The following ZYG11B variants were observed in gnomAD, a reference collection of about 807,000 sequenced individuals.
ZYG11B encodes zyg-11 family member B, cell cycle regulator, also known as protein zyg-11 homolog B.
A neutral mutation model predicts 82.4 loss-of-function variants in ZYG11B; 36 were observed. The observed-to-expected ratio is 0.44, with a 90% CI of 0.33 to 0.58. The LOEUF (loss-of-function observed/expected upper bound fraction) is 0.58. ZYG11B is among the 20% of genes least tolerant of loss of function. ZYG11B has a pLI of 0.02. For synonymous variants in ZYG11B, 303 were observed against 312.8 expected (o/e 0.97, Z 0.33); for missense variants, 552 against 895.6 (o/e 0.62, Z 4.90).
intron 2 of ZYG11B, among the ~76,000 whole-genome samples, chr1:52,760,160 C>T (rs1220466447): frequency 6.6e-6 from 1 of 152,072 alleles, no homozygotes; most frequent in Non-Finnish European, 1.5e-5. Context: ...TTGGTAATAT[C>T]AGCCAAGGGC....
At position 52,778,588 on chromosome 1, in the gene ZYG11B, C is replaced by T. The variant is rs147565589; in HGVS notation, c.952-1265C>T. The stretch of plus-strand genomic sequence containing the variant: ...GAGGTACATAAATATCTAGTTGTTT[C>T]TCTTTCTGTGATGTTAGCAGTTATT... On this transcript the variant is annotated intron_variant, in intron 3 of 13. Transcript: ENST00000294353. Among the ~76,000 whole-genome samples the T allele has an allele frequency of 2.5e-3, 375 of 152,212 alleles. 2 individuals carry two copies. Among genetic ancestry groups the T allele is most frequent in the African/African-American group, 8.3e-3 (345 of 41,530 alleles).
intron 8 of ZYG11B, among the ~76,000 whole-genome samples, 185 bp downstream of exon 8, chr1:52,796,969 TATATATAAATA>T (rs1236858729): frequency 2.4e-5 from 2 of 84,644 alleles, no homozygotes; most frequent in African/African-American, 1.3e-4. Context: ...TTATATATAA[TATATATAAATA>T]TATATATTTT....
chr1:52,764,586 C>A (rs750256239), intron 2 of ZYG11B, among the ~76,000 whole-genome samples: 1 of 152,078 alleles, frequency 6.6e-6, no homozygotes, highest in Non-Finnish European at 1.5e-5. Context: ...AATTATAACT[C>A]CCTCACAGGG....
chr1:52,803,050 T>A (rs930298903), intron 10 of ZYG11B, among the ~76,000 whole-genome samples: 5 of 140,072 alleles, frequency 3.6e-5, no homozygotes, highest in Non-Finnish European at 3.1e-5. Flanking sequence ...ATTTTTTTTT[T>A]ATTTTTTATT....
At chr1:52,788,251 G>T (rs1468661128) in intron 5 of ZYG11B, among the ~76,000 whole-genome samples, 1 of 152,090 alleles carries the variant, frequency 6.6e-6, no homozygotes, top group Non-Finnish European at 1.5e-5. Flanking sequence ...CTAAATACTT[G>T]CATAGTTCAG....
intron 1 of ZYG11B, among the ~76,000 whole-genome samples, chr1:52,738,596 T>C (rs1042041907): frequency 2.0e-5 from 3 of 150,694 alleles, no homozygotes; most frequent in African/African-American, 7.4e-5. Flanking sequence ...ATATTTTTCT[T>C]TTCTAAGGAC....
chr1:52,774,598 T>C (rs1644787656), intron 3 of ZYG11B, among the ~76,000 whole-genome samples: 1 of 146,868 alleles, frequency 6.8e-6, no homozygotes, highest in Non-Finnish European at 1.5e-5. Flanking sequence ...TGAGCCACTG[T>C]GCCTGGCCTA....
chr1:52,742,345 G>A (rs1485519766), intron 1 of ZYG11B, among the ~76,000 whole-genome samples: 2 of 151,940 alleles, frequency 1.3e-5, no homozygotes, highest in East Asian at 1.9e-4. Context: ...CCAGCTATTC[G>A]GATGGCTGAG....
intron 1 of ZYG11B, among the ~76,000 whole-genome samples, chr1:52,755,208 A>T (rs1228487320): frequency 6.6e-6 from 1 of 151,816 alleles, no homozygotes; most frequent in Non-Finnish European, 1.5e-5. Context: ...TGATCCGCCC[A>T]CCTCGGCCTC....
intron 10 of ZYG11B, among the ~76,000 whole-genome samples, chr1:52,812,690 C>T (rs1260029938): frequency 2.0e-5 from 3 of 151,584 alleles, no homozygotes; most frequent in African/African-American, 7.3e-5. Flanking sequence ...CAGGCATGAA[C>T]CACCATGCTT....
At chr1:52,794,065 C>G (rs1314575691) in intron 6 of ZYG11B, among the ~76,000 whole-genome samples, 1 of 151,954 alleles carries the variant, frequency 6.6e-6, no homozygotes, top group Non-Finnish European at 1.5e-5. Flanking sequence ...GCCTCTGCCT[C>G]CCGGGTTCAA....
At chr1:52,801,762 A>G in intron 8 of ZYG11B, 57 bp from the exon 9 acceptor site, 1 of 1,425,534 alleles carries the variant, frequency 7.0e-7, no homozygotes, top group African/African-American at 1.4e-5. Context: ...ATTAATCACC[A>G]CAAATTGTAA....
intron 3 of ZYG11B, among the ~76,000 whole-genome samples, chr1:52,772,869 G>C (rs1056853300): frequency 6.6e-6 from 1 of 152,014 alleles, no homozygotes; most frequent in Non-Finnish European, 1.5e-5. Flanking sequence ...AGTAGAGACA[G>C]AGTTTCACTG....
chr1:52,767,407 C>T (rs1401355512), intron 2 of ZYG11B, among the ~76,000 whole-genome samples: 5 of 152,090 alleles, frequency 3.3e-5, no homozygotes, highest in African/African-American at 7.2e-5. Flanking sequence ...TGGGATCAAG[C>T]GATTCCCCTG....
At chr1:52,805,472 G>A (rs950982037) in intron 10 of ZYG11B, 1 of 455,768 alleles carries the variant, frequency 2.2e-6, no homozygotes, top group Non-Finnish European at 4.4e-6. Flanking sequence ...TTTTTTCAGG[G>A]TTAATATGAT....
chr1:52,765,970 TTTTTCTC>T (rs1241316784), intron 2 of ZYG11B, among the ~76,000 whole-genome samples: 2 of 152,102 alleles, frequency 1.3e-5, no homozygotes, highest in African/African-American at 2.4e-5. Flanking sequence ...TCACCAGTCT[TTTTTCTC>T]TGTTCTCTAT....
intron 13 of ZYG11B, among the ~76,000 whole-genome samples, chr1:52,819,898 C>A (rs557468132): frequency 6.6e-6 from 1 of 151,470 alleles, no homozygotes; most frequent in Non-Finnish European, 1.5e-5. Flanking sequence ...AATGACAGCC[C>A]TGAATAATTT....
intron 10 of ZYG11B, among the ~76,000 whole-genome samples, chr1:52,804,209 G>A (rs1645122080): frequency 6.6e-6 from 1 of 152,028 alleles, no homozygotes; most frequent in African/African-American, 2.4e-5. Context: ...TCATCCTACT[G>A]CACTCCAGCC....
At chr1:52,817,796 TATATATATATATATATATA>T (rs1442943702) in intron 13 of ZYG11B, among the ~76,000 whole-genome samples, 43 of 52,870 alleles carry the variant, frequency 8.1e-4, no homozygotes, top group African/African-American at 1.6e-3. Flanking sequence ...TATATATATA[TATATATATATATATATATA>T]TTTTTTTTTT....
Sources: gnomAD v4.1 joint callset for allele counts (sites outside exome capture counted in the v4.1 genomes callset) on GRCh38, gnomAD v4.1.1 for gene constraint, MANE v1.5 for transcripts, NCBI Gene and HGNC (gene_info 2026-07-23, HGNC 2026-07-21) for gene names.